Variants in GREM2 observed in about 807,000 individuals in gnomAD.
The protein encoded by GREM2 is gremlin 2, DAN family BMP antagonist, also known as gremlin-2.
GREM2 carries 11 observed loss-of-function variants against 14.2 expected under a neutral mutation model. That is an observed-to-expected ratio of 0.78 (90% CI 0.49 to 1.28). The LOEUF is 1.28. GREM2 is among the 50% of genes most tolerant of loss of function. The probability of loss-of-function intolerance (pLI) is 0.00; values close to 1 mark genes in which losing one functional copy is unlikely to be tolerated. For missense variants in GREM2, 210 were observed against 218.5 expected (o/e 0.96, Z 0.24); for synonymous variants, 98 against 97.6 (o/e 1.00, Z -0.02).
chr1:240,514,215 C>A (rs1677899415), intron 1 of GREM2, among the ~76,000 whole-genome samples: 1 of 145,098 alleles, frequency 6.9e-6, no homozygotes, highest in Non-Finnish European at 1.5e-5. Flanking sequence ...TCATTATACT[C>A]CAGCCTGGGC....
intron 1 of GREM2, among the ~76,000 whole-genome samples, chr1:240,604,234 T>C (rs1679982852): frequency 6.6e-6 from 1 of 151,734 alleles, no homozygotes; most frequent in Admixed American, 6.6e-5. Flanking sequence ...ACCTCCAGTA[T>C]TGGGGGTCAC....
intron 1 of GREM2, among the ~76,000 whole-genome samples, chr1:240,581,842 A>C (rs1679491340): frequency 6.6e-6 from 1 of 152,258 alleles, no homozygotes; most frequent in South Asian, 2.1e-4. Context: ...ATACACTAAT[A>C]GGTACACAGA....
At chr1:240,576,856 G>C (rs146856097) in intron 1 of GREM2, among the ~76,000 whole-genome samples, 1 of 151,982 alleles carries the variant, frequency 6.6e-6, no homozygotes, top group Non-Finnish European at 1.5e-5. Flanking sequence ...TTTTGCATTC[G>C]TTTACTGTAT....
chr1:240,554,577 G>T (rs927342452), intron 1 of GREM2, among the ~76,000 whole-genome samples: 2 of 152,010 alleles, frequency 1.3e-5, no homozygotes, highest in Non-Finnish European at 2.9e-5. Context: ...TCATAAGTAG[G>T]TGTTGACATG....
chr1:240,547,330 C>T (rs889621883), intron 1 of GREM2, among the ~76,000 whole-genome samples: 2 of 151,568 alleles, frequency 1.3e-5, no homozygotes, highest in Non-Finnish European at 2.9e-5. Context: ...GAAACCCTGT[C>T]TCTACTAAAA....
intron 1 of GREM2, among the ~76,000 whole-genome samples, chr1:240,608,112 A>T (rs1680067736): frequency 6.6e-6 from 1 of 152,220 alleles, no homozygotes; most frequent in Non-Finnish European, 1.5e-5. Context: ...CAGCTATCAG[A>T]TGTTACGGTT....
At chr1:240,500,159 A>G (rs903114923) in intron 1 of GREM2, among the ~76,000 whole-genome samples, 11 of 152,212 alleles carry the variant, frequency 7.2e-5, no homozygotes, top group African/African-American at 2.4e-4. Flanking sequence ...GAAAATGTTA[A>G]TATAAGTAAA....
intron 1 of GREM2, among the ~76,000 whole-genome samples, chr1:240,552,950 T>C (rs1376929178): frequency 7.7e-6 from 1 of 130,244 alleles, no homozygotes; most frequent in African/African-American, 3.0e-5. Context: ...TTTTAAGCCT[T>C]TCATCCCCTT....
At chr1:240,499,932 G>C (rs1446291479) in intron 1 of GREM2, among the ~76,000 whole-genome samples, 1 of 152,184 alleles carries the variant, frequency 6.6e-6, no homozygotes, top group African/African-American at 2.4e-5. Context: ...GAAACACTTT[G>C]CTAAGTCCTG....
chr1:240,557,633 T>C (rs1236232502), intron 1 of GREM2, among the ~76,000 whole-genome samples: 2 of 152,198 alleles, frequency 1.3e-5, no homozygotes, highest in Non-Finnish European at 2.9e-5. Flanking sequence ...TTTTTAGGCA[T>C]ATACATTTTG....
chr1:240,582,688 T>C (rs1447795814), intron 1 of GREM2, among the ~76,000 whole-genome samples: 1 of 151,616 alleles, frequency 6.6e-6, no homozygotes, highest in Non-Finnish European at 1.5e-5. Context: ...TCTCAGCTAC[T>C]TGGGAGGCTG....
Position 240,611,271 on chromosome 1 carries a change from T to C in GREM2, c.-2+613A>G, listed in dbSNP as rs564967691. Reference sequence around the variant, plus strand: ...ATGCATTTTTAAACTCGTAAGACAATGTAGAAATAAGTCAGGTACACAGGA... The same window carrying C: ...ATGCATTTTTAAACTCGTAAGACAACGTAGAAATAAGTCAGGTACACAGGA... On this transcript the variant is annotated intron_variant, in intron 1 of 1. Coordinates refer to ENST00000318160, the MANE Select transcript of GREM2 (RefSeq NM_022469.4). Among the ~76,000 whole-genome samples the C allele has an allele frequency of 2.0e-5, 3 of 152,236 alleles. No homozygotes were observed. In the South Asian group the frequency reaches 6.2e-4, roughly 32 times the overall value.
At chr1:240,525,644 A>G (rs986077119) in intron 1 of GREM2, among the ~76,000 whole-genome samples, 59 of 151,976 alleles carry the variant, frequency 3.9e-4, no homozygotes, top group African/African-American at 1.4e-3. Flanking sequence ...ACACCTGGCT[A>G]ATTTTTGTAT....
chr1:240,529,295 T>C (rs1164586136), intron 1 of GREM2, among the ~76,000 whole-genome samples: 2 of 151,418 alleles, frequency 1.3e-5, no homozygotes, highest in African/African-American at 2.4e-5. Flanking sequence ...CTTATAAAGT[T>C]TGTTAAACTG....
intron 1 of GREM2, among the ~76,000 whole-genome samples, chr1:240,584,603 G>A (rs1287585516): frequency 6.6e-6 from 1 of 152,162 alleles, no homozygotes; most frequent in East Asian, 1.9e-4. Context: ...CTAGCTACTT[G>A]GGAGGCTGGA....
In GREM2 at chr1:240,490,609, A is replaced by T. The variant is rs1447631716; in HGVS notation, c.*2360T>A. ...AAACAAAACAAAAAAATTAAATACA[A>T]TTTGAGCCATTATAAGGTAAACTTT... is the stretch of plus-strand genomic sequence containing the variant. On this transcript the variant is annotated 3_prime_UTR_variant, in exon 2 of 2. Transcript: ENST00000318160. The T allele has an allele frequency of 6.6e-6, 1 of 152,632 alleles. No individual in the cohort carries two copies. The highest frequency in any genetic ancestry group is 2.4e-5 in the African/African-American group (1 of 41,442). 9.5% of individuals were successfully genotyped at this position (152,632 alleles called of 1,614,324 possible). A position where few individuals can be genotyped will look rare whatever the true frequency, so the allele number is the denominator to read the frequency against.
intron 1 of GREM2, among the ~76,000 whole-genome samples, chr1:240,553,253 T>C (rs1431095976): frequency 6.6e-6 from 1 of 152,220 alleles, no homozygotes; most frequent in Non-Finnish European, 1.5e-5. Context: ...GCCTTATCAT[T>C]CTATTGCTTA....
intron 1 of GREM2, among the ~76,000 whole-genome samples, chr1:240,522,814 C>T (rs1678133200): frequency 6.6e-6 from 1 of 152,030 alleles, no homozygotes; most frequent in Admixed American, 6.6e-5. Flanking sequence ...TGTAGATGTC[C>T]TTGAGCTTTA....
At chr1:240,516,448 C>T (rs550786125) in intron 1 of GREM2, among the ~76,000 whole-genome samples, 2 of 152,190 alleles carry the variant, frequency 1.3e-5, no homozygotes, top group East Asian at 3.9e-4. Flanking sequence ...TTCTATTGTT[C>T]CCTAAACTTA....
Sources: allele counts gnomAD v4.1 joint callset (sites outside exome capture counted in the v4.1 genomes callset), GRCh38; gene constraint gnomAD v4.1.1; transcripts MANE v1.5; gene names NCBI Gene and HGNC (gene_info 2026-07-23, HGNC 2026-07-21).